The following RYR2 variants were observed in gnomAD, a reference collection of about 807,000 sequenced individuals.
RYR2 encodes ryanodine receptor 2, also known as cardiac muscle ryanodine receptor-calcium release channel.
RYR2 carries 227 observed loss-of-function variants against 601.1 expected under a neutral mutation model. That is an observed-to-expected ratio of 0.38 (90% CI 0.34 to 0.42). The LOEUF (loss-of-function observed/expected upper bound fraction) is 0.42. Ranked by LOEUF, RYR2 falls within the 10% of genes least tolerant of loss-of-function variation. The pLI, the probability that RYR2 is intolerant of heterozygous loss-of-function variation, is 1.00. For missense variants in RYR2, 4,646 were observed against 6,156.5 expected (o/e 0.75, Z 8.21); for synonymous variants, 2,223 against 2,175.1 (o/e 1.02, Z -0.61).
intron 2 of RYR2, among the ~76,000 whole-genome samples, chr1:237,305,520 C>G (rs1693781594): frequency 6.6e-6 from 1 of 152,198 alleles, no homozygotes; most frequent in Admixed American, 6.5e-5. Context: ...CAGCCTGGAC[C>G]TCCCAGGCTC....
intron 1 of RYR2, among the ~76,000 whole-genome samples, chr1:237,164,444 G>C (rs932779): frequency 0.035 from 5,341 of 152,256 alleles, 314 homozygotes; most frequent in African/African-American, 0.12. Flanking sequence ...GTAGGTTTGG[G>C]CTCTTGGGGT....
At chr1:237,669,517 C>CA (rs1684672548) in intron 58 of RYR2, among the ~76,000 whole-genome samples, 1 of 150,550 alleles carries the variant, frequency 6.6e-6, no homozygotes, top group Non-Finnish European at 1.5e-5. Flanking sequence ...TGACCCCCCC[C>CA]ACCTCCCTCC....
At chr1:237,813,135 C>A (rs1661429914) in intron 100 of RYR2, among the ~76,000 whole-genome samples, 1 of 152,042 alleles carries the variant, frequency 6.6e-6, no homozygotes, top group Non-Finnish European at 1.5e-5. Flanking sequence ...TACCCTGTGA[C>A]CCTGAAGGCA....
chr1:237,317,291 G>T (rs762342982), intron 2 of RYR2, among the ~76,000 whole-genome samples: 1 of 152,166 alleles, frequency 6.6e-6, no homozygotes, highest in African/African-American at 2.4e-5. Flanking sequence ...TCAAAGGCAC[G>T]TCAACATGGT....
intron 27 of RYR2, among the ~76,000 whole-genome samples, chr1:237,560,755 ATTCT>A (rs1396018797): frequency 1.3e-5 from 2 of 152,128 alleles, no homozygotes; most frequent in Non-Finnish European, 2.9e-5. Context: ...ATTTTTGGAG[ATTCT>A]TTCTCTACCA....
rs569516359 is a variant in RYR2 at position 237,118,696 on chromosome 1, C to T, written c.48+76127C>T. ...TTGGCTCACTGCAACCTCCGCCTCC[C>T]GGATTCAAGCGATTCTCCTGCCTCA... is the stretch of plus-strand genomic sequence containing the variant. On this transcript the variant is annotated intron_variant, in intron 1 of 104. Coordinates refer to ENST00000366574, the MANE Select transcript of RYR2 (RefSeq NM_001035.3). Among the ~76,000 whole-genome samples, 34 of 152,046 alleles carry T rather than the reference C, an allele frequency of 2.2e-4. No homozygotes were observed. The East Asian group carries it at 2.5e-3, about 11-fold the overall frequency.
intron 1 of RYR2, among the ~76,000 whole-genome samples, chr1:237,043,746 C>T (rs1278361987): frequency 6.6e-6 from 1 of 151,952 alleles, no homozygotes; most frequent in African/African-American, 2.4e-5. Context: ...AGTACAAAAA[C>T]AAAACAAAAC....
intron 17 of RYR2, among the ~76,000 whole-genome samples, chr1:237,485,659 C>A (rs1246451878): frequency 6.6e-6 from 1 of 152,162 alleles, no homozygotes; most frequent in African/African-American, 2.4e-5. Flanking sequence ...TCAAGAGGGC[C>A]TTGCCTGTCT....
chr1:237,538,726 A>G (rs1440524507), intron 25 of RYR2, among the ~76,000 whole-genome samples: 1 of 150,940 alleles, frequency 6.6e-6, no homozygotes, highest in African/African-American at 2.4e-5. Flanking sequence ...AGCCAAGATC[A>G]TACCACTGCA....
intron 17 of RYR2, among the ~76,000 whole-genome samples, chr1:237,479,451 T>C (rs546737000): frequency 8.9e-4 from 136 of 152,356 alleles, no homozygotes; most frequent in African/African-American, 3.1e-3. Context: ...GTCTTTATAC[T>C]GCAGGAGAAC....
chr1:237,729,985 G>A (rs1309618984), intron 76 of RYR2, among the ~76,000 whole-genome samples: 4 of 152,068 alleles, frequency 2.6e-5, no homozygotes, highest in Non-Finnish European at 5.9e-5. Context: ...GAGTTATCCT[G>A]GTTTTATAAA....
intron 2 of RYR2, among the ~76,000 whole-genome samples, chr1:237,326,994 T>C (rs929707487): frequency 6.9e-4 from 105 of 152,194 alleles, no homozygotes; most frequent in African/African-American, 2.5e-3. Context: ...TTTGAAGAAA[T>C]AGACATCTAA....
intron 79 of RYR2, among the ~76,000 whole-genome samples, chr1:237,741,441 C>T (rs912871915): frequency 6.6e-6 from 1 of 152,070 alleles, no homozygotes; most frequent in Non-Finnish European, 1.5e-5. Flanking sequence ...AGCAGAAATA[C>T]GTGTAAGGGT....
chr1:237,567,057 A>G (rs993727432), intron 28 of RYR2, among the ~76,000 whole-genome samples: 1 of 152,200 alleles, frequency 6.6e-6, no homozygotes, highest in Non-Finnish European at 1.5e-5. Context: ...GGAAAAATGC[A>G]TATACATTGA....
intron 27 of RYR2, among the ~76,000 whole-genome samples, chr1:237,565,410 G>C (rs1321258857): frequency 6.6e-6 from 1 of 151,874 alleles, no homozygotes; most frequent in Non-Finnish European, 1.5e-5. Flanking sequence ...GGACTTACAG[G>C]CATGCACTAC....
intron 41 of RYR2, among the ~76,000 whole-genome samples, chr1:237,631,221 A>G (rs1048059647): frequency 7.1e-4 from 108 of 152,212 alleles, no homozygotes; most frequent in African/African-American, 2.6e-3. Context: ...ATGGAAAAGA[A>G]TAGACATTCG....
At chr1:237,049,692 G>A (rs1661016074) in intron 1 of RYR2, among the ~76,000 whole-genome samples, 1 of 152,146 alleles carries the variant, frequency 6.6e-6, no homozygotes, top group African/African-American at 2.4e-5. Flanking sequence ...TTGATGATGG[G>A]TGGTTTTCTT....
At chr1:237,426,168 C>T (rs1035700899) in intron 12 of RYR2, among the ~76,000 whole-genome samples, 3 of 152,174 alleles carry the variant, frequency 2.0e-5, no homozygotes, top group East Asian at 3.9e-4. Flanking sequence ...ATGCCTTTCT[C>T]TTTCAACTCC....
intron 88 of RYR2, among the ~76,000 whole-genome samples, chr1:237,780,481 G>T (rs1390205093): frequency 6.6e-6 from 1 of 151,502 alleles, no homozygotes; most frequent in Non-Finnish European, 1.5e-5. Flanking sequence ...ACACTGTATA[G>T]CTTCATATGT....
Sources: allele counts gnomAD v4.1 joint callset (sites outside exome capture counted in the v4.1 genomes callset), GRCh38; gene constraint gnomAD v4.1.1; transcripts MANE v1.5; gene names NCBI Gene and HGNC (gene_info 2026-07-23, HGNC 2026-07-21).